Variants in GOLGA5 observed in about 807,000 individuals in gnomAD.
GOLGA5 encodes golgin subfamily A member 5.
Under a neutral mutation model 93.5 loss-of-function variants are expected in GOLGA5, and 50 were observed. The ratio of observed to expected loss-of-function variants is 0.53; its 90% confidence interval spans 0.43 to 0.68. The LOEUF (loss-of-function observed/expected upper bound fraction) is 0.68, where lower values mean the gene tolerates loss of function less well. GOLGA5 is among the 30% of genes least tolerant of loss of function. GOLGA5 has a pLI of 0.00. For missense variants in GOLGA5, 760 were observed against 856.4 expected (o/e 0.89, Z 1.40); for synonymous variants, 312 against 304.5 (o/e 1.02, Z -0.26).
rs201240295 is a variant in GOLGA5, at chr14:92,833,175, C to T, written c.1773C>T (p.Leu591=). ...GTCAGTCTGAGTTAGAAAATCGACTCCATCAGCTAACAGAGACTCTCATCC... is the reference window on the plus strand; with the variant it reads ...GTCAGTCTGAGTTAGAAAATCGACTTCATCAGCTAACAGAGACTCTCATCC... ...NSSQSELENR[L]HQLTETLIQK... The change falls in exon 10 of 13, where the codon CTC becomes CTT. Residue 591 remains leucine, a synonymous_variant. Coordinates refer to ENST00000163416, the MANE Select transcript of GOLGA5 (RefSeq NM_005113.4). 3 of 1,613,344 alleles carry T rather than the reference C, an allele frequency of 1.9e-6. No individual in the cohort carries two copies. Among genetic ancestry groups the T allele is most frequent in the Admixed American group, 1.7e-5 (1 of 60,026 alleles).
At chr14:92,812,644 CCTTTT>C (rs1885126511) in intron 6 of GOLGA5, among the ~76,000 whole-genome samples, 1 of 152,244 alleles carries the variant, frequency 6.6e-6, no homozygotes, top group South Asian at 2.1e-4. Context: ...TATTCTCTGT[CCTTTT>C]CTTAGTCTCC....
At chr14:92,837,103 C>T (rs1044481883) in intron 11 of GOLGA5, among the ~76,000 whole-genome samples, 2 of 151,976 alleles carry the variant, frequency 1.3e-5, no homozygotes, top group Admixed American at 6.6e-5. Flanking sequence ...TCAAGTTTGC[C>T]TCCTACAGTT....
intron 6 of GOLGA5, among the ~76,000 whole-genome samples, chr14:92,815,106 T>C (rs4904989): frequency 0.81 from 122,858 of 152,202 alleles, 50,120 homozygotes; most frequent in African/African-American, 0.91. Flanking sequence ...TAGCCTGCCA[T>C]ATAATATTAA....
chr14:92,810,951 G>A (rs1885091308), intron 5 of GOLGA5, among the ~76,000 whole-genome samples: 1 of 152,218 alleles, frequency 6.6e-6, no homozygotes, highest in African/African-American at 2.4e-5. Context: ...AGCAGTCAGG[G>A]TTGCAAACCA....
intron 7 of GOLGA5, among the ~76,000 whole-genome samples, chr14:92,818,516 G>A (rs1342717295): frequency 4.6e-5 from 7 of 152,168 alleles, no homozygotes; most frequent in South Asian, 2.1e-4. Context: ...GAATTTGCCC[G>A]ATGTAGTCAA....
intron 2 of GOLGA5, among the ~76,000 whole-genome samples, chr14:92,798,311 G>T (rs901872133): frequency 1.3e-5 from 2 of 152,200 alleles, no homozygotes; most frequent in African/African-American, 4.8e-5. Flanking sequence ...TTGGATCGGG[G>T]ACTATCCCAG....
rs368573940 is a variant in GOLGA5 at position 92,808,395 on chromosome 14, A to G, written c.773-905A>G. 9.2e-5 allele frequency among the ~76,000 whole-genome samples: 14 copies of G among 152,280 alleles called. No individual in the cohort carries two copies. The South Asian group carries it at 1.9e-3, about 20-fold the overall frequency. On this transcript the variant is annotated intron_variant, in intron 3 of 12. Transcript: ENST00000163416. ...CACGCCTGTAATCCCAGCGCTTTGG[A>G]AGGCTGAGATGGGAAAATTGCTGAA...
In GOLGA5 at chr14:92,797,720, T is replaced by C. The variant is rs1385530985; in HGVS notation, c.283T>C (p.Ser95Pro). The change falls in exon 2 of 13, where the codon TCT becomes CCT. Residue 95 changes from serine to proline, a missense_variant. Transcript: ENST00000163416. ...KVGSRTPVEA[S>P]HPVENASVPR... The stretch of plus-strand genomic sequence containing the variant: ...AGGATCTCGGACACCAGTAGAGGCC[T>C]CTCATCCTGTTGAAAATGCATCTGT... 6.2e-7 allele frequency: 1 copy of C among 1,613,958 alleles called. No homozygotes were observed. Among genetic ancestry groups the C allele is most frequent in the East Asian group, 2.2e-5 (1 of 44,886 alleles).
intron 3 of GOLGA5, among the ~76,000 whole-genome samples, chr14:92,808,244 T>TCAACAA (rs534764313): frequency 5.3e-5 from 8 of 151,478 alleles, no homozygotes; most frequent in African/African-American, 1.5e-4. Flanking sequence ...GAGACTCGTC[T>TCAACAA]CAACAACAAC....
At chr14:92,795,238 C>T (rs988257852) in intron 1 of GOLGA5, among the ~76,000 whole-genome samples, 10 of 152,182 alleles carry the variant, frequency 6.6e-5, no homozygotes, top group African/African-American at 2.4e-4. Flanking sequence ...AGTGCCTGGC[C>T]TGTATGGTGT....
intron 12 of GOLGA5, 23 bp downstream of exon 12, chr14:92,837,472 AC>A: frequency 1.0e-6 from 1 of 963,644 alleles, no homozygotes; most frequent in East Asian, 2.4e-5. Flanking sequence ...ATTTGAAAAA[AC>A]AATGATGCAC....
intron 6 of GOLGA5, among the ~76,000 whole-genome samples, chr14:92,813,833 TGAG>T (rs1188321881): frequency 2.0e-5 from 3 of 152,030 alleles, no homozygotes; most frequent in Non-Finnish European, 4.4e-5. Context: ...TAAGAAATAA[TGAG>T]GACCTGATCA....
rs773047459 is a variant in GOLGA5 at position 92,819,854 on chromosome 14, A to G, written c.1620+18A>G. The G allele has an allele frequency of 1.9e-6, 3 of 1,611,460 alleles. No homozygotes were observed. Among genetic ancestry groups the G allele is most frequent in the South Asian group, 1.1e-5 (1 of 90,984 alleles). ...TGAAGCAGGTCAGGATTTGAGATTG[A>G]TGACTTCTGAGACTCTGTCCTCTAG... is the stretch of plus-strand genomic sequence containing the variant. On this transcript the variant is annotated intron_variant, in intron 8 of 12. Transcript: ENST00000163416.
At chr14:92,836,577 A>G (rs1421729637) in intron 11 of GOLGA5, among the ~76,000 whole-genome samples, 1 of 152,184 alleles carries the variant, frequency 6.6e-6, no homozygotes, top group Non-Finnish European at 1.5e-5. Flanking sequence ...GGCATAATAG[A>G]TCTGGACATC....
intron 2 of GOLGA5, among the ~76,000 whole-genome samples, chr14:92,804,647 ATTTC>A (rs1262791755): frequency 2.1e-5 from 3 of 146,170 alleles, no homozygotes; most frequent in African/African-American, 2.6e-5. Flanking sequence ...AAATGTAATA[ATTTC>A]TTTCTTTTTT....
chr14:92,806,730 T>G lies in GOLGA5; in HGVS notation c.545-6T>G, dbSNP rs1188060197. ...ATGTAACAAAAACGTATTCTTTTTTTTACAGAAGCTGCCAGTAACTCAGAT... is the reference window on the plus strand; with the variant it reads ...ATGTAACAAAAACGTATTCTTTTTTGTACAGAAGCTGCCAGTAACTCAGAT... On this transcript the variant is annotated splice_polypyrimidine_tract_variant and splice_region_variant and intron_variant, in intron 2 of 12. Transcript: ENST00000163416. 1.3e-6 allele frequency: 2 copies of G among 1,598,848 alleles called. No individual in the cohort carries two copies. The highest frequency in any genetic ancestry group is 3.3e-5 in the Admixed American group (2 of 59,968).
intron 8 of GOLGA5, among the ~76,000 whole-genome samples, chr14:92,823,348 T>C (rs1015429749): frequency 2.6e-5 from 4 of 152,146 alleles, no homozygotes; most frequent in African/African-American, 9.7e-5. Flanking sequence ...TTTTAATTTC[T>C]GAGATTTTAT....
Position 92,810,437 on chromosome 14 carries a change from G to C in GOLGA5, c.1116+60G>C, listed in dbSNP as rs1247065890. 8.4e-6 allele frequency: 11 copies of C among 1,309,948 alleles called. No individual in the cohort carries two copies. The African/African-American group carries it at 1.7e-4, about 20-fold the overall frequency. 81.1% of individuals were successfully genotyped at this position (1,309,948 alleles called of 1,614,324 possible). On this transcript the variant is annotated intron_variant, in intron 5 of 12. Transcript: ENST00000163416. ...TTGGACACGGAAAAAATGACTTTAT[G>C]CTGTTTCATAGCACATTAACTGTCT... is the stretch of plus-strand genomic sequence containing the variant.
intron 3 of GOLGA5, among the ~76,000 whole-genome samples, chr14:92,807,215 T>G: frequency 6.6e-6 from 1 of 151,880 alleles, no homozygotes; most frequent in African/African-American, 2.4e-5. Flanking sequence ...GGCAGGGGAG[T>G]TGCTTGAACC....
Sources: allele counts gnomAD v4.1 joint callset (sites outside exome capture counted in the v4.1 genomes callset), GRCh38; gene constraint gnomAD v4.1.1; transcripts MANE v1.5; gene names NCBI Gene and HGNC (gene_info 2026-07-23, HGNC 2026-07-21).